The following ARHGAP42 variants were observed in gnomAD, a reference collection of about 807,000 sequenced individuals.
The protein encoded by ARHGAP42 is Rho GTPase activating protein 42.
A neutral mutation model predicts 125.0 loss-of-function variants in ARHGAP42; 63 were observed. The ratio of observed to expected loss-of-function variants is 0.50; its 90% CI spans 0.41 to 0.62. The LOEUF (loss-of-function observed/expected upper bound fraction) is 0.62. Ranked by LOEUF, ARHGAP42 falls within the 20% of genes least tolerant of loss-of-function variation. ARHGAP42 has a pLI of 0.00. For missense variants in ARHGAP42, 766 were observed against 1,024.2 expected (o/e 0.75, Z 3.44); for synonymous variants, 339 against 351.0 (o/e 0.97, Z 0.38).
At chr11:100,897,469 T>C (rs1866393426) in intron 4 of ARHGAP42, among the ~76,000 whole-genome samples, 1 of 152,218 alleles carries the variant, frequency 6.6e-6, no homozygotes, top group Non-Finnish European at 1.5e-5. Context: ...TTCCTATCCA[T>C]GAGCATGGAA....
Position 100,728,851 on chromosome 11 carries a change from C to G in ARHGAP42, c.154+41019C>G, listed in dbSNP as rs371559379. Among the ~76,000 whole-genome samples, 25 of 151,076 alleles carry G rather than the reference C, an allele frequency of 1.7e-4. No individual in the cohort carries two copies. In the East Asian group the frequency reaches 2.9e-3, roughly 18 times the overall value. ...TGGCGTGATCTCGGTTCACTACAAC[C>G]TCCACCTCCCAGCTTCAAGCGGTTC... On this transcript the variant is annotated intron_variant, in intron 1 of 23. Coordinates refer to ENST00000298815, the MANE Select transcript of ARHGAP42 (RefSeq NM_152432.4).
intron 1 of ARHGAP42, among the ~76,000 whole-genome samples, chr11:100,722,704 A>G (rs1286484278): frequency 6.6e-6 from 1 of 152,090 alleles, no homozygotes; most frequent in African/African-American, 2.4e-5. Context: ...TGTGTATTTA[A>G]CGTTTACGTC....
chr11:100,711,609 C>A (rs547740514), intron 1 of ARHGAP42, among the ~76,000 whole-genome samples: 1 of 152,358 alleles, frequency 6.6e-6, no homozygotes, highest in South Asian at 2.1e-4. Context: ...CCTCTTGCCT[C>A]AGCCTCCCAA....
intron 4 of ARHGAP42, among the ~76,000 whole-genome samples, chr11:100,870,685 C>T (rs530548401): frequency 1.1e-4 from 17 of 152,206 alleles, no homozygotes; most frequent in African/African-American, 4.1e-4. Context: ...AACAAGTACT[C>T]AATAAAATTG....
intron 3 of ARHGAP42, among the ~76,000 whole-genome samples, chr11:100,813,460 A>G (rs1013707548): frequency 6.6e-6 from 1 of 152,200 alleles, no homozygotes; most frequent in African/African-American, 2.4e-5. Context: ...TCTTTTGGAC[A>G]TGTTAAATAT....
chr11:100,733,519 T>G (rs2120313996), intron 1 of ARHGAP42, among the ~76,000 whole-genome samples: 1 of 152,294 alleles, frequency 6.6e-6, no homozygotes, highest in African/African-American at 2.4e-5. Context: ...GCTCTCTTTG[T>G]ATATTTAAAA....
chr11:100,980,556 C>CTTTTTTTT (rs1565305665), intron 22 of ARHGAP42, among the ~76,000 whole-genome samples: 2 of 23,544 alleles, frequency 8.5e-5, no homozygotes, highest in African/African-American at 1.8e-4. Flanking sequence ...TCTTTTTCTT[C>CTTTTTTTT]TTCTTTTTTT....
intron 1 of ARHGAP42, among the ~76,000 whole-genome samples, chr11:100,717,584 CCGAGAT>C: frequency 6.8e-6 from 1 of 147,804 alleles, no homozygotes; most frequent in South Asian, 2.2e-4. Context: ...TGGTAGTGAG[CCGAGAT>C]TGTGCCACTG....
intron 6 of ARHGAP42, among the ~76,000 whole-genome samples, chr11:100,924,224 A>G (rs546939605): frequency 6.6e-6 from 1 of 152,170 alleles, no homozygotes; most frequent in South Asian, 2.1e-4. Flanking sequence ...AAGATATCCA[A>G]AAGAAAATAT....
intron 4 of ARHGAP42, among the ~76,000 whole-genome samples, chr11:100,877,847 A>G (rs1865860442): frequency 6.6e-6 from 1 of 151,986 alleles, no homozygotes; most frequent in African/African-American, 2.4e-5. Flanking sequence ...TCCAGTAAAA[A>G]TACAAAAATT....
intron 17 of ARHGAP42, among the ~76,000 whole-genome samples, chr11:100,972,041 G>C (rs74972561): frequency 0.11 from 16,228 of 152,200 alleles, 1,070 homozygotes; most frequent in Non-Finnish European, 0.13. Context: ...CTTACTTGAA[G>C]TAAATGCTTT....
chr11:100,986,817 CAT>C (rs771011416), intron 22 of ARHGAP42, among the ~76,000 whole-genome samples: 3 of 151,076 alleles, frequency 2.0e-5, no homozygotes, highest in Non-Finnish European at 4.4e-5. Flanking sequence ...GATCATATCT[CAT>C]ATGTAACTCC....
intron 1 of ARHGAP42, among the ~76,000 whole-genome samples, chr11:100,719,398 A>T (rs371933941): frequency 6.6e-6 from 1 of 152,234 alleles, no homozygotes; most frequent in Non-Finnish European, 1.5e-5. Context: ...ATCAGTCTCC[A>T]TGGCAGCAAG....
chr11:100,874,396 T>C (rs1865763758), intron 4 of ARHGAP42, among the ~76,000 whole-genome samples: 1 of 152,146 alleles, frequency 6.6e-6, no homozygotes, highest in Non-Finnish European at 1.5e-5. Context: ...ATCCAGACCA[T>C]AGCAGTGATA....
At chr11:100,762,969 GATTTTTTT>G (rs1862742207) in intron 1 of ARHGAP42, among the ~76,000 whole-genome samples, 2 of 93,550 alleles carry the variant, frequency 2.1e-5, no homozygotes. Flanking sequence ...AGTTTATAGT[GATTTTTTT>G]TTTTTTTTTT....
chr11:100,794,075 CAAAAAAAAAAAAAAAAAAA>C (rs869272420), intron 2 of ARHGAP42, among the ~76,000 whole-genome samples: 490 of 44,854 alleles, frequency 0.011, 5 homozygotes, highest in African/African-American at 0.026. Flanking sequence ...GACCCTGTCT[CAAAAAAAAAAAAAAAAAAA>C]AAAAAAAAAA....
intron 10 of ARHGAP42, among the ~76,000 whole-genome samples, chr11:100,947,136 C>G (rs961241886): frequency 7.2e-5 from 11 of 151,822 alleles, no homozygotes; most frequent in African/African-American, 2.7e-4. Flanking sequence ...TGGAATTAAC[C>G]TCTTTTTGAA....
At chr11:100,982,681 A>G (rs1270212065) in intron 22 of ARHGAP42, among the ~76,000 whole-genome samples, 1 of 152,218 alleles carries the variant, frequency 6.6e-6, no homozygotes, top group Non-Finnish European at 1.5e-5. Context: ...AGCTATACAA[A>G]TATGTTTTGA....
chr11:100,731,043 T>G (rs975296595), intron 1 of ARHGAP42, among the ~76,000 whole-genome samples: 4 of 152,070 alleles, frequency 2.6e-5, no homozygotes, highest in African/African-American at 9.7e-5. Flanking sequence ...GTCATTCAGG[T>G]TTTTTTTAGT....
Sources: allele counts gnomAD v4.1 joint callset (sites outside exome capture counted in the v4.1 genomes callset), GRCh38; gene constraint gnomAD v4.1.1; transcripts MANE v1.5; gene names NCBI Gene and HGNC (gene_info 2026-07-23, HGNC 2026-07-21).